The following UCKL1 variants were observed in gnomAD, a reference collection of about 807,000 sequenced individuals.
UCKL1 encodes the protein uridine-cytidine kinase-like 1.
In UCKL1, 65 loss-of-function variants were observed where a neutral mutation model predicts 59.2. The observed-to-expected ratio is 1.10, with a 90% CI of 0.90 to 1.35. UCKL1 has a LOEUF of 1.35. UCKL1 is among the 40% of genes most tolerant of loss of function. The pLI is 0.00. For synonymous variants in UCKL1, 410 were observed against 323.1 expected (o/e 1.27, Z -2.88); for missense variants, 703 against 784.3 (o/e 0.90, Z 1.24).
chr20:63,947,067 T>G (rs1601176571), intron 1 of UCKL1, among the ~76,000 whole-genome samples: 1 of 147,466 alleles, frequency 6.8e-6, no homozygotes. Context: ...GGTGACAGAG[T>G]GAGACTCCAC....
rs762812020 is a variant in UCKL1 at position 63,941,477 on chromosome 20, C to T, written c.924-269G>A. 338 of 514,402 alleles carry T rather than the reference C, an allele frequency of 6.6e-4. 3 individuals are homozygous for T. The highest frequency in any genetic ancestry group is 8.7e-4 in the Middle Eastern group (3 of 3,440). The allele number at this position is 514,402 out of a possible 1,614,324, so 31.9% of individuals were successfully genotyped here. On this transcript the variant is annotated intron_variant, in intron 8 of 14. Transcript: ENST00000354216. ...AGCGGGGTAGGCTGTGAGGGCCCCT[C>T]CCAGTGCGGGACCCCTCCTGCGCTA...
intron 7 of UCKL1, 29 bp downstream of exon 7, chr20:63,944,368 A>G (rs1601081847): frequency 6.5e-7 from 1 of 1,538,078 alleles, no homozygotes; most frequent in Non-Finnish European, 8.8e-7. Flanking sequence ...GCTGGGGGCT[A>G]GGCCGTGGGG....
chr20:63,941,363 G>C, intron 8 of UCKL1, 155 bp from the exon 9 acceptor site: 2 of 1,174,012 alleles, frequency 1.7e-6, no homozygotes, highest in Non-Finnish European at 2.4e-6. Flanking sequence ...GGGCTGAGCT[G>C]GGGGGAGACG....
Position 63,949,219 on chromosome 20 carries a change from T to A in UCKL1, c.114-2576A>T, listed in dbSNP as rs3795158. 5.8e-4 allele frequency among the ~76,000 whole-genome samples: 88 copies of A among 152,216 alleles called. 1 individual carries two copies. In the East Asian group the frequency reaches 0.016, roughly 27 times the overall value. ...TCGGCTCCGGAGATCGTTCTGGAGC[T>A]GAGTGGTGACGTCAGCAGCAGGGCT... On this transcript the variant is annotated intron_variant, in intron 1 of 14. Coordinates refer to ENST00000354216, the MANE Select transcript of UCKL1 (RefSeq NM_017859.4).
chr20:63,946,035 G>A (rs1311336658), intron 3 of UCKL1, 60 bp from the exon 4 acceptor site: 77 of 1,610,836 alleles, frequency 4.8e-5, no homozygotes, highest in Admixed American at 1.0e-4. Flanking sequence ...CAATGCCAGC[G>A]GACAGGGGCT....
At chr20:63,947,197 C>T (rs189560033) in intron 1 of UCKL1, among the ~76,000 whole-genome samples, 15 of 152,288 alleles carry the variant, frequency 9.8e-5, no homozygotes, top group African/African-American at 3.4e-4. Flanking sequence ...GACAGAGGAA[C>T]AGCAAACAAG....
intron 1 of UCKL1, among the ~76,000 whole-genome samples, chr20:63,947,942 C>T (rs1211016034): frequency 1.3e-5 from 2 of 152,188 alleles, no homozygotes; most frequent in African/African-American, 4.8e-5. Context: ...GCCATGGAGC[C>T]CTGGGAGGGG....
At chr20:63,951,579 G>A (rs1032143335) in intron 1 of UCKL1, among the ~76,000 whole-genome samples, 8 of 152,270 alleles carry the variant, frequency 5.3e-5, no homozygotes, top group African/African-American at 1.9e-4. Flanking sequence ...GAAAATAACT[G>A]CCTTGCCCTA....
rs1396785626 is a variant in UCKL1 at position 63,946,219 on chromosome 20, A to G, written c.353T>C (p.Ile118Thr). The change falls in exon 3 of 15, where the codon ATC becomes ACC. Residue 118 changes from isoleucine (I) to threonine (T), a missense_variant. Physicochemically the swap from Ile to Thr is moderately conservative, Grantham distance 89. Around this residue, in one of 4 missense-constraint regions of UCKL1, gnomAD observed 398 missense variants for 373.0 expected, o/e 1.07. Transcript: ENST00000354216. ...ASGKTTVARM[I>T]IEALDVPWVV... is the part of the protein sequence containing the mutation. The stretch of plus-strand genomic sequence containing the variant: ...CCAGGGCACATCCAGGGCCTCGATG[A>G]TCATTCTGGCCACAGTGGTCTTCCC... 8 of 1,610,148 alleles carry G rather than the reference A, an allele frequency of 5.0e-6. No homozygotes were observed. The highest frequency in any genetic ancestry group is 3.3e-5 in the South Asian group (3 of 90,688).
intron 7 of UCKL1, 117 bp downstream of exon 7, chr20:63,944,280 T>C: frequency 1.9e-6 from 2 of 1,028,844 alleles, no homozygotes; most frequent in East Asian, 5.2e-5. Flanking sequence ...GGCTGGCACC[T>C]GGCAGGGGAC....
At chr20:63,942,740 G>A (rs1028248673) in intron 8 of UCKL1, 2 of 478,182 alleles carry the variant, frequency 4.2e-6, no homozygotes, top group Non-Finnish European at 8.7e-6. Flanking sequence ...CTGACCAGAC[G>A]ACGGAAAATG....
At position 63,945,572 on chromosome 20, in the gene UCKL1, G is replaced by A. The variant is rs1025396353; in HGVS notation, c.654+79C>T. ...ACAGTGTGGAGGCCTTGGGGACAGG[G>A]CAGGAGGACGCACACCTCATGGACA... On this transcript the variant is annotated intron_variant, in intron 5 of 14. Coordinates refer to ENST00000354216, the MANE Select transcript of UCKL1 (RefSeq NM_017859.4). The A allele has an allele frequency of 4.8e-6, 7 of 1,463,798 alleles. No individual in the cohort carries two copies. In the African/African-American group the frequency reaches 9.8e-5, roughly 20 times the overall value. The allele number at this position is 1,463,798 out of a possible 1,614,324, so 90.7% of individuals were successfully genotyped here.
chr20:63,941,992 C>T (rs1482362668), intron 8 of UCKL1, among the ~76,000 whole-genome samples: 2 of 138,646 alleles, frequency 1.4e-5, no homozygotes, highest in Non-Finnish European at 3.1e-5. Flanking sequence ...GGCGTGACAG[C>T]GGCAGGGAAA....
chr20:63,956,387 T>C lies in UCKL1; in HGVS notation c.-15A>G. ...GGCGCAGCCATGGCGCTCGGAGGCC[T>C]CTTTGCGGGCCTGGCCGGGCGGCGC... On this transcript the variant is annotated 5_prime_UTR_variant, in exon 1 of 15. Transcript: ENST00000354216. 2 of 1,460,010 alleles carry C rather than the reference T, an allele frequency of 1.4e-6. No individual in the cohort carries two copies. The highest frequency in any genetic ancestry group is 2.8e-5 in the East Asian group (1 of 35,876). 90.4% of individuals were successfully genotyped at this position (1,460,010 alleles called of 1,614,324 possible).
intron 8 of UCKL1, 118 bp downstream of exon 8, chr20:63,943,535 C>T (rs1217275791): frequency 2.7e-6 from 4 of 1,476,960 alleles, no homozygotes; most frequent in Non-Finnish European, 3.7e-6. Flanking sequence ...CACTCCACAC[C>T]ACCCCTTCTG....
Position 63,940,838 on chromosome 20 carries a change from G to T in UCKL1, c.1135C>A (p.Pro379Thr), listed in dbSNP as rs757171162. ...TTGCCCGCATAGTCCTGCCCCTGCG[G>T]GGTCTGTACGACGCAGTCCTGTGGG... ...LPFQDCVVQT[P>T]QGQDYAGKCY... The change falls in exon 11 of 15, where the codon CCG becomes ACG. Residue 379 changes from proline (P) to threonine (T), a missense_variant. This residue lies in a region of UCKL1 where 156 missense variants were observed against 185.6 expected (regional missense o/e 0.84). Transcript: ENST00000354216. 6 of 1,559,006 alleles carry T rather than the reference G, an allele frequency of 3.8e-6. No homozygotes were observed. Among genetic ancestry groups the T allele is most frequent in the Non-Finnish European group, 5.2e-6 (6 of 1,152,818 alleles).
chr20:63,945,054 A>G (rs1166215507), intron 5 of UCKL1, among the ~76,000 whole-genome samples: 2 of 152,162 alleles, frequency 1.3e-5, no homozygotes, highest in African/African-American at 4.8e-5. Flanking sequence ...TCAGGCAGGA[A>G]TGGGGCTGGG....
Position 63,940,010 on chromosome 20 carries a change from C to G in UCKL1, c.1613G>C (p.Gly538Ala), listed in dbSNP as rs754184879. ...GTAGGCCACTTCCTCCTCGTCACTG[C>G]CATCGGGGACCGCGTCTGTCCCAAA... is the stretch of plus-strand genomic sequence containing the variant. ...RYFGTDAVPDGSDEEEVAYTG is the reference protein window; with the variant it reads ...RYFGTDAVPDASDEEEVAYTG The change falls in exon 15 of 15, where the codon GGC becomes GCC. Residue 538 changes from glycine to alanine, a missense_variant. Around this residue, in one of 4 missense-constraint regions of UCKL1, gnomAD observed 124 missense variants for 161.1 expected, o/e 0.77. Coordinates refer to ENST00000354216, the MANE Select transcript of UCKL1 (RefSeq NM_017859.4). 1 of 1,611,220 alleles carries G rather than the reference C, an allele frequency of 6.2e-7. No individual in the cohort carries two copies. Among genetic ancestry groups the G allele is most frequent in the Admixed American group, 1.7e-5 (1 of 59,888 alleles).
chr20:63,941,879 T>G (rs1032936092), intron 8 of UCKL1, among the ~76,000 whole-genome samples: 30 of 126,128 alleles, frequency 2.4e-4, no homozygotes, highest in African/African-American at 4.0e-4. Flanking sequence ...GGAAAGGGGG[T>G]GATGCAGGGG....
Sources: gnomAD v4.1 joint callset for allele counts (sites outside exome capture counted in the v4.1 genomes callset) on GRCh38, gnomAD v4.1.1 for gene constraint, gnomAD v4.1.1 regional missense constraint, MANE v1.5 for transcripts, NCBI Gene and HGNC (gene_info 2026-07-23, HGNC 2026-07-21) for gene names.